The following ST6GALNAC3 variants were observed in gnomAD, a reference collection of about 807,000 sequenced individuals.
ST6GALNAC3 encodes alpha-N-acetylgalactosaminide alpha-2,6-sialyltransferase 3.
ST6GALNAC3 carries 25 observed loss-of-function variants against 32.7 expected under a neutral mutation model. The ratio of observed to expected loss-of-function variants is 0.76; its 90% CI spans 0.56 to 1.07. ST6GALNAC3 has a LOEUF of 1.07. Ranked by LOEUF, ST6GALNAC3 falls within the 50% of genes least tolerant of loss-of-function variation. ST6GALNAC3 has a pLI of 0.00. For missense variants in ST6GALNAC3, 355 were observed against 382.4 expected, an observed-to-expected ratio of 0.93 and a Z score of 0.60; for synonymous variants, 129 against 133.1, an observed-to-expected ratio of 0.97 and a Z score of 0.21.
At chr1:76,496,792 C>G (rs557413128) in intron 3 of ST6GALNAC3, among the ~76,000 whole-genome samples, 9 of 152,296 alleles carry the variant, frequency 5.9e-5, no homozygotes, top group African/African-American at 2.2e-4. Context: ...GGAGGCCCAT[C>G]AAACAAATGG....
rs367896585 is a variant in ST6GALNAC3, at chr1:76,200,519, G to A, written c.19-113286G>A. Among the ~76,000 whole-genome samples the A allele has an allele frequency of 4.6e-5, 7 of 152,074 alleles. No homozygotes were observed. The South Asian group carries it at 1.2e-3, about 27-fold the overall frequency. ...ATGGTTGCCTGCATGTGGGAGCAATGAAATAACCTATATTGCTTAGATTTC... is the reference window on the plus strand; with the variant it reads ...ATGGTTGCCTGCATGTGGGAGCAATAAAATAACCTATATTGCTTAGATTTC... On this transcript the variant is annotated intron_variant, in intron 1 of 4. Transcript: ENST00000328299.
At chr1:76,540,055 A>G (rs1273482843) in intron 3 of ST6GALNAC3, among the ~76,000 whole-genome samples, 3 of 152,194 alleles carry the variant, frequency 2.0e-5, no homozygotes, top group South Asian at 4.1e-4. Context: ...ATGCATGCAC[A>G]TATATGTTTA....
intron 3 of ST6GALNAC3, among the ~76,000 whole-genome samples, chr1:76,525,115 A>C (rs1444575258): frequency 6.6e-6 from 1 of 152,118 alleles, no homozygotes; most frequent in East Asian, 1.9e-4. Context: ...ATGAGTAACA[A>C]TATAAATGAC....
At chr1:76,472,715 C>A (rs1289818917) in intron 3 of ST6GALNAC3, among the ~76,000 whole-genome samples, 1 of 152,046 alleles carries the variant, frequency 6.6e-6, no homozygotes, top group East Asian at 1.9e-4. Flanking sequence ...TAGAACAATG[C>A]CAGTTTCATT....
intron 1 of ST6GALNAC3, among the ~76,000 whole-genome samples, chr1:76,106,526 G>A (rs1308240635): frequency 4.6e-5 from 7 of 152,158 alleles, no homozygotes; most frequent in Admixed American, 3.3e-4. Flanking sequence ...GGATAATTGT[G>A]TTTTCCATTT....
intron 3 of ST6GALNAC3, among the ~76,000 whole-genome samples, chr1:76,609,843 T>G (rs1647805599): frequency 6.6e-6 from 1 of 151,988 alleles, no homozygotes; most frequent in Admixed American, 6.5e-5. Flanking sequence ...CTAACACACT[T>G]GAGAAGTGTT....
At chr1:76,113,832 CTT>C (rs575165541) in intron 1 of ST6GALNAC3, among the ~76,000 whole-genome samples, 5 of 145,826 alleles carry the variant, frequency 3.4e-5, no homozygotes, top group Non-Finnish European at 6.1e-5. Context: ...AATGAAGTAT[CTT>C]TTTTTTTTTG....
chr1:76,408,214 G>T (rs1344659867), intron 2 of ST6GALNAC3, among the ~76,000 whole-genome samples: 1 of 151,988 alleles, frequency 6.6e-6, no homozygotes, highest in Non-Finnish European at 1.5e-5. Context: ...GATGGTTCCT[G>T]CAAGTAAGTG....
chr1:76,118,156 CG>C (rs770690938), intron 1 of ST6GALNAC3, among the ~76,000 whole-genome samples: 3 of 152,098 alleles, frequency 2.0e-5, no homozygotes, highest in Non-Finnish European at 2.9e-5. Context: ...GACTCCCTGA[CG>C]GGCCCCGGTG....
chr1:76,584,387 TA>T (rs1646932039), intron 3 of ST6GALNAC3, among the ~76,000 whole-genome samples: 1 of 152,222 alleles, frequency 6.6e-6, no homozygotes, highest in African/African-American at 2.4e-5. Flanking sequence ...ATGAATTCAC[TA>T]ATAAGCATCT....
intron 3 of ST6GALNAC3, among the ~76,000 whole-genome samples, chr1:76,582,186 C>A (rs964234306): frequency 2.0e-5 from 3 of 151,974 alleles, no homozygotes; most frequent in Admixed American, 6.6e-5. Context: ...ATGATGGTGC[C>A]GTAGACAATT....
At chr1:76,558,989 A>T (rs1209879641) in intron 3 of ST6GALNAC3, among the ~76,000 whole-genome samples, 2 of 152,130 alleles carry the variant, frequency 1.3e-5, no homozygotes, top group African/African-American at 4.8e-5. Flanking sequence ...AGTAAAGCTA[A>T]AATTACTTAA....
chr1:76,142,823 CT>C (rs71071986), intron 1 of ST6GALNAC3: 74,086 of 361,318 alleles, frequency 0.21, 5,467 homozygotes, highest in Middle Eastern at 0.32. Flanking sequence ...GAATGCCTGC[CT>C]TTTTTTTTTT....
chr1:76,401,795 T>C (rs2101218919), intron 2 of ST6GALNAC3, among the ~76,000 whole-genome samples: 1 of 152,332 alleles, frequency 6.6e-6, no homozygotes, highest in African/African-American at 2.4e-5. Flanking sequence ...TCAGACTTAA[T>C]CTTACAATAA....
intron 3 of ST6GALNAC3, among the ~76,000 whole-genome samples, chr1:76,582,932 C>T (rs12117865): frequency 0.2 from 30,061 of 152,084 alleles, 3,086 homozygotes; most frequent in Middle Eastern, 0.26. Context: ...TAAATTTGAA[C>T]CCATGTACCA....
At chr1:76,119,779 G>A (rs1280954638) in intron 1 of ST6GALNAC3, among the ~76,000 whole-genome samples, 3 of 66,888 alleles carry the variant, frequency 4.5e-5, no homozygotes, top group African/African-American at 1.6e-4. Context: ...TCCAGGGATT[G>A]TAATCCCTGT....
At chr1:76,531,778 C>T (rs553860504) in intron 3 of ST6GALNAC3, among the ~76,000 whole-genome samples, 8 of 152,058 alleles carry the variant, frequency 5.3e-5, no homozygotes, top group African/African-American at 1.2e-4. Context: ...AACTTCATGA[C>T]GTGGGAGGTC....
rs75707900 is a variant in ST6GALNAC3 at position 76,252,642 on chromosome 1, C to A, written c.19-61163C>A. Among the ~76,000 whole-genome samples the A allele has an allele frequency of 5.7e-3, 872 of 152,074 alleles. 6 individuals carry two copies. Among genetic ancestry groups the A allele is most frequent in the African/African-American group, 0.02 (823 of 41,470 alleles). The stretch of plus-strand genomic sequence containing the variant: ...GAGATGTGCTGTCAAAGCCAATGAA[C>A]GGCAGTTGTACACACTGACATTTTT... On this transcript the variant is annotated intron_variant, in intron 1 of 4. Coordinates refer to ENST00000328299, the MANE Select transcript of ST6GALNAC3 (RefSeq NM_152996.4).
intron 3 of ST6GALNAC3, among the ~76,000 whole-genome samples, chr1:76,545,879 A>T (rs1436562337): frequency 1.3e-5 from 2 of 152,074 alleles, no homozygotes; most frequent in Non-Finnish European, 2.9e-5. Flanking sequence ...GGCTGGTCGC[A>T]AACTCCTGAC....
Sources: gnomAD v4.1 joint callset for allele counts (sites outside exome capture counted in the v4.1 genomes callset) on GRCh38, gnomAD v4.1.1 for gene constraint, MANE v1.5 for transcripts, NCBI Gene and HGNC (gene_info 2026-07-23, HGNC 2026-07-21) for gene names.